The following ZNF385D variants were observed in gnomAD, a reference collection of about 807,000 sequenced individuals.
ZNF385D encodes the protein zinc finger protein 659.
Under a neutral mutation model 35.8 loss-of-function variants are expected in ZNF385D, and 15 were observed. That is an observed-to-expected ratio of 0.42 (90% CI 0.28 to 0.64). The LOEUF is 0.64. Among genes scored for constraint, ZNF385D ranks in the 30% least tolerant of loss-of-function variants. The probability of loss-of-function intolerance (pLI) is 0.23; values close to 1 mark genes in which losing one functional copy is unlikely to be tolerated. For missense variants in ZNF385D, 474 were observed against 494.6 expected, an observed-to-expected ratio of 0.96 and a Z score of 0.39; for synonymous variants, 212 against 186.8, an observed-to-expected ratio of 1.13 and a Z score of -1.10.
At chr3:21,825,208 G>C (rs988536793) in intron 3 of ZNF385D, among the ~76,000 whole-genome samples, 1 of 152,170 alleles carries the variant, frequency 6.6e-6, no homozygotes, top group Non-Finnish European at 1.5e-5. Context: ...ACCAAACAGT[G>C]TTCTAAAATG....
intron 2 of ZNF385D, among the ~76,000 whole-genome samples, chr3:21,572,729 C>A (rs2063371523): frequency 6.6e-6 from 1 of 152,170 alleles, no homozygotes; most frequent in Non-Finnish European, 1.5e-5. Context: ...GGTACTACAG[C>A]TTTCCACCCT....
chr3:22,337,303 G>C (rs561857815), intron 2 of ZNF385D, among the ~76,000 whole-genome samples: 20 of 152,234 alleles, frequency 1.3e-4, no homozygotes, highest in African/African-American at 4.8e-4. Context: ...AGGTCGAGGT[G>C]GGGGCAGCTC....
chr3:21,558,837 T>C (rs1367804825), intron 3 of ZNF385D, among the ~76,000 whole-genome samples: 3 of 152,162 alleles, frequency 2.0e-5, no homozygotes, highest in East Asian at 1.9e-4. Flanking sequence ...TTATTGGGTG[T>C]ATATATAATT....
chr3:22,157,078 C>T (rs1388554), intron 3 of ZNF385D, among the ~76,000 whole-genome samples: 96,356 of 151,894 alleles, frequency 0.63, 30,983 homozygotes, highest in Non-Finnish European at 0.7. Context: ...TCCAAGGTAG[C>T]CTCCAGGCCT....
At chr3:21,990,043 G>C (rs545599943) in intron 3 of ZNF385D, among the ~76,000 whole-genome samples, 1 of 152,198 alleles carries the variant, frequency 6.6e-6, no homozygotes, top group East Asian at 1.9e-4. Flanking sequence ...ATTTTTAAAA[G>C]GTACATTTTA....
intron 3 of ZNF385D, among the ~76,000 whole-genome samples, chr3:21,766,037 T>C (rs539727930): frequency 3.8e-4 from 58 of 151,968 alleles, no homozygotes; most frequent in Non-Finnish European, 7.9e-4. Context: ...GGTAGCAGCA[T>C]TGTGAAGAAA....
chr3:21,767,266 T>C (rs2070870136), intron 3 of ZNF385D, among the ~76,000 whole-genome samples: 1 of 152,128 alleles, frequency 6.6e-6, no homozygotes, highest in African/African-American at 2.4e-5. Context: ...GTAATCATCC[T>C]ACAAAATACA....
intron 3 of ZNF385D, among the ~76,000 whole-genome samples, chr3:21,933,190 A>AT (rs1242846930): frequency 4.6e-5 from 7 of 152,124 alleles, no homozygotes; most frequent in Middle Eastern, 6.8e-3. Context: ...ACTTGATTCA[A>AT]TTTTTTTCCA....
chr3:21,871,988 A>C (rs1697716949), intron 3 of ZNF385D, among the ~76,000 whole-genome samples: 1 of 152,096 alleles, frequency 6.6e-6, no homozygotes, highest in Non-Finnish European at 1.5e-5. Flanking sequence ...CAAAGAGCGA[A>C]ACTCTGTCTC....
At chr3:21,773,859 G>A (rs2125619141) in intron 3 of ZNF385D, among the ~76,000 whole-genome samples, 1 of 152,064 alleles carries the variant, frequency 6.6e-6, no homozygotes, top group South Asian at 2.1e-4. Context: ...AAGATGCTGT[G>A]GCAATTCCTC....
At chr3:21,626,743 T>A (rs550186223) in intron 2 of ZNF385D, among the ~76,000 whole-genome samples, 1 of 152,062 alleles carries the variant, frequency 6.6e-6, no homozygotes, top group East Asian at 1.9e-4. Flanking sequence ...GAGTTCAAAA[T>A]GGATGAAAAT....
chr3:22,182,973 G>GA (rs1203697815), intron 2 of ZNF385D, among the ~76,000 whole-genome samples: 1 of 151,902 alleles, frequency 6.6e-6, no homozygotes, highest in East Asian at 1.9e-4. Flanking sequence ...ATAGATCTAA[G>GA]AAAAAATGTG....
intron 3 of ZNF385D, among the ~76,000 whole-genome samples, chr3:21,840,827 T>C (rs1467617959): frequency 6.6e-6 from 1 of 151,984 alleles, no homozygotes; most frequent in African/African-American, 2.4e-5. Context: ...ATATACTTAT[T>C]ATATTGAAAA....
intron 3 of ZNF385D, among the ~76,000 whole-genome samples, chr3:22,138,225 A>G (rs1386279518): frequency 1.3e-5 from 2 of 152,198 alleles, no homozygotes; most frequent in Non-Finnish European, 2.9e-5. Context: ...CAATATCATG[A>G]AAATGGCCAT....
chr3:22,259,735 C>T (rs1411460888), intron 2 of ZNF385D, among the ~76,000 whole-genome samples: 1 of 151,800 alleles, frequency 6.6e-6, no homozygotes, highest in East Asian at 1.9e-4. Flanking sequence ...CACACTGGTC[C>T]TTATATAGTT....
At chr3:21,620,906 G>A (rs2064987088) in intron 2 of ZNF385D, among the ~76,000 whole-genome samples, 1 of 152,128 alleles carries the variant, frequency 6.6e-6, no homozygotes, top group South Asian at 2.1e-4. Context: ...ATCATCATAA[G>A]TGAATTCATC....
At position 21,984,477 on chromosome 3, in the gene ZNF385D, G is replaced by C. The variant is rs1319043923; in HGVS notation, c.325+184340C>G. Among the ~76,000 whole-genome samples, 2 of 133,972 alleles carry C rather than the reference G, an allele frequency of 1.5e-5. 1 individual carries two copies. Among genetic ancestry groups the C allele is most frequent in the Non-Finnish European group, 3.1e-5 (2 of 63,618 alleles). 87.9% of individuals were successfully genotyped at this position (133,972 alleles called of 152,430 possible). A position where few individuals can be genotyped will look rare whatever the true frequency, so the allele number is the denominator to read the frequency against. ...GTTTGTCAAAGATCAGATAGTTGTA[G>C]GTATACGGCGTTATTTCTGAGGGCT... On this transcript the variant is annotated intron_variant, in intron 3 of 5. Transcript: ENST00000494108.
At chr3:21,443,283 G>T (rs1189165355) in intron 4 of ZNF385D, 2 of 985,232 alleles carry the variant, frequency 2.0e-6, no homozygotes, top group Admixed American at 1.2e-4. Context: ...ATTCAGGTGA[G>T]GGGATTCTTT....
intron 3 of ZNF385D, among the ~76,000 whole-genome samples, chr3:22,066,305 A>T (rs1699944731): frequency 8.6e-6 from 1 of 116,080 alleles, no homozygotes; most frequent in Non-Finnish European, 1.7e-5. Context: ...GTAGCTAAGG[A>T]GTGTGTGTGT....
Sources: gnomAD v4.1 joint callset for allele counts (sites outside exome capture counted in the v4.1 genomes callset) on GRCh38, gnomAD v4.1.1 for gene constraint, MANE v1.5 for transcripts, NCBI Gene and HGNC (gene_info 2026-07-23, HGNC 2026-07-21) for gene names.